MAP4K1: variants seen among roughly 807,000 people sequenced by gnomAD.
MAP4K1 encodes MAPK/ERK kinase kinase kinase 1.
Under a neutral mutation model 122.8 loss-of-function variants are expected in MAP4K1, and 35 were observed. The observed-to-expected ratio is 0.29, with a 90% confidence interval of 0.22 to 0.38. The LOEUF (loss-of-function observed/expected upper bound fraction) is 0.38. Among genes scored for constraint, MAP4K1 ranks in the 10% least tolerant of loss-of-function variants. The pLI, the probability that MAP4K1 is intolerant of heterozygous loss-of-function variation, is 1.00. For synonymous variants in MAP4K1, 412 were observed against 421.3 expected (o/e 0.98, Z 0.27); for missense variants, 791 against 1,072.6 (o/e 0.74, Z 3.67).
rs761351120 is a variant in MAP4K1, at chr19:38,617,947, C to T, written c.-52G>A. 2 of 1,510,640 alleles carry T rather than the reference C, an allele frequency of 1.3e-6. No individual in the cohort carries two copies. Among genetic ancestry groups the T allele is most frequent in the Non-Finnish European group, 1.8e-6 (2 of 1,087,336 alleles). The allele number at this position is 1,510,640 out of a possible 1,614,324, so 93.6% of individuals were successfully genotyped here. Reference sequence around the variant, plus strand: ...CCCAGGGGCCAGCAGGGCCTCAGGGCTCAACTTCTGGCACCTCCCTCCGTC... The same window carrying T: ...CCCAGGGGCCAGCAGGGCCTCAGGGTTCAACTTCTGGCACCTCCCTCCGTC... On this transcript the variant is annotated 5_prime_UTR_variant, in exon 1 of 31. Coordinates refer to ENST00000396857, the MANE Select transcript of MAP4K1 (RefSeq NM_001042600.3). The surrounding 1 kb of genome is among the most constrained non-coding windows in gnomAD (Gnocchi z 4.1).
At chr19:38,602,764 A>G (rs1278407198) in intron 19 of MAP4K1, among the ~76,000 whole-genome samples, 6 of 145,272 alleles carry the variant, frequency 4.1e-5, no homozygotes, top group African/African-American at 1.6e-4. Context: ...ATATATACGC[A>G]TATACATATA....
chr19:38,587,908 GC>G (rs1974573019), intron 30 of MAP4K1, 91 bp from the exon 31 acceptor site: 9 of 991,302 alleles, frequency 9.1e-6, no homozygotes, highest in African/African-American at 3.2e-5. Flanking sequence ...GACTGTGCCA[GC>G]CCCATGCTGA....
intron 30 of MAP4K1, among the ~76,000 whole-genome samples, chr19:38,592,018 T>C (rs1471105495): frequency 6.7e-6 from 1 of 150,122 alleles, no homozygotes; most frequent in Non-Finnish European, 1.5e-5. Flanking sequence ...ATGCCAGTAA[T>C]CCTAACATTT....
chr19:38,602,993 T>TAC (rs1491533297), intron 19 of MAP4K1, among the ~76,000 whole-genome samples: 1 of 139,774 alleles, frequency 7.2e-6, no homozygotes. Flanking sequence ...TATACATATA[T>TAC]ACATATACAT....
At chr19:38,601,133 G>C (rs1347402090) in intron 20 of MAP4K1, among the ~76,000 whole-genome samples, 1 of 151,508 alleles carries the variant, frequency 6.6e-6, no homozygotes, top group East Asian at 1.9e-4. Context: ...ATTTTTAGTA[G>C]AGACGGGGTT....
chr19:38,590,391 AAAAATATATAT>A (rs1388488195), intron 30 of MAP4K1, among the ~76,000 whole-genome samples: 1 of 37,946 alleles, frequency 2.6e-5, no homozygotes, highest in Non-Finnish European at 4.6e-5. Flanking sequence ...AAAAAAAAAA[AAAAATATATAT>A]ATATATATAT....
rs1555811720 is a variant in MAP4K1 at position 38,608,828 on chromosome 19, A to AAAAAAAAAAAAAC, written c.1007-659_1007-658insGTTTTTTTTTTTT. 3.2e-3 allele frequency among the ~76,000 whole-genome samples: 435 copies of AAAAAAAAAAAAAC among 137,206 alleles called. 26 individuals are homozygous for AAAAAAAAAAAAAC. Among genetic ancestry groups the AAAAAAAAAAAAAC allele is most frequent in the East Asian group, 6.6e-3 (29 of 4,424 alleles). 90.0% of individuals were successfully genotyped at this position (137,206 alleles called of 152,430 possible). ...AAAAAAAAAAAAAAAAAAAAAAAAA[A>AAAAAAAAAAAAAC]ACATTAGCCACGCGTGGTGAATAAG... On this transcript the variant is annotated intron_variant, in intron 13 of 30. Coordinates refer to ENST00000396857, the MANE Select transcript of MAP4K1 (RefSeq NM_001042600.3).
At position 38,617,366 on chromosome 19, in the gene MAP4K1, C is replaced by T. The variant is rs759638326; in HGVS notation, c.236G>A (p.Gly79Glu). 5.0e-6 allele frequency: 8 copies of T among 1,613,326 alleles called. No homozygotes were observed. In the Admixed American group the frequency reaches 6.7e-5, roughly 13 times the overall value. ...TGAGGTTCATCACCAGAGATAACTC[C>T]CATGGTAGGCCACGATGTTGGCGTG... ...CRHANIVAYH[G>E]SYLWLQKLWI... is the part of the protein sequence containing the mutation. The change falls in exon 3 of 31, where the codon GGG becomes GAG. Residue 79 changes from glycine (G) to glutamate (E), a missense_variant. Gly to Glu is a moderately conservative substitution (Grantham distance 98). Transcript: ENST00000396857. The surrounding 1 kb of genome is among the most constrained non-coding windows in gnomAD (Gnocchi z 4.1).
At chr19:38,612,319 C>T (rs944853567) in intron 9 of MAP4K1, among the ~76,000 whole-genome samples, 4 of 148,674 alleles carry the variant, frequency 2.7e-5, no homozygotes, top group Non-Finnish European at 4.5e-5. Context: ...ACTCGGGAGG[C>T]TGAGGCAGGA....
chr19:38,590,930 C>T (rs1386796220), intron 30 of MAP4K1, among the ~76,000 whole-genome samples: 1 of 151,794 alleles, frequency 6.6e-6, no homozygotes, highest in East Asian at 1.9e-4. Context: ...ATGGGCATCA[C>T]GTCTGCAATT....
chr19:38,596,195 C>T lies in MAP4K1; in HGVS notation c.2116+117G>A, dbSNP rs1194449472. The T allele has an allele frequency of 7.2e-6, 10 of 1,396,146 alleles. No individual in the cohort carries two copies. The East Asian group carries it at 1.0e-4, about 14-fold the overall frequency. 86.5% of individuals were successfully genotyped at this position (1,396,146 alleles called of 1,614,324 possible). A position where few individuals can be genotyped will look rare whatever the true frequency, so the allele number is the denominator to read the frequency against. ...CTAAAACCTGCCATTCTCCCTTCTC[C>T]GCCCTTCCAGCCCTTTCTCAGTCCC... is the stretch of plus-strand genomic sequence containing the variant. On this transcript the variant is annotated intron_variant, in intron 26 of 30. Transcript: ENST00000396857.
rs199546431 is a variant in MAP4K1 at position 38,588,458 on chromosome 19, A to AG, written c.2397-642dup. 8.5e-3 allele frequency among the ~76,000 whole-genome samples: 1,293 copies of AG among 152,174 alleles called. 20 individuals are homozygous for AG. Among genetic ancestry groups the AG allele is most frequent in the African/African-American group, 0.03 (1,228 of 41,522 alleles). ...GTAATCCCAGCACTTTGGGAGGCCA[A>AG]GGGGGGCAGATCACTTGAGGTCAGG... On this transcript the variant is annotated intron_variant, in intron 30 of 30. Transcript: ENST00000396857.
chr19:38,605,869 C>A, intron 17 of MAP4K1, 139 bp from the exon 18 acceptor site: 2 of 793,886 alleles, frequency 2.5e-6, no homozygotes, highest in Non-Finnish European at 2.0e-6. Context: ...TCTTGTGCCC[C>A]CTCCAGCCTT....
intron 26 of MAP4K1, 22 bp downstream of exon 26, chr19:38,596,290 A>G: frequency 6.5e-7 from 1 of 1,532,916 alleles, no homozygotes; most frequent in Non-Finnish European, 8.8e-7. Flanking sequence ...CCCCGCCCTC[A>G]GCAAGACTCC....
rs187306247 is a variant in MAP4K1 at position 38,595,873 on chromosome 19, G to A, written c.2179+66C>T. Reference sequence around the variant, plus strand: ...AGGGGGTTCTGAGAAGCACAAGTTCGGAGGCAGAGATCTAGGGACTGCAGC... The same window carrying A: ...AGGGGGTTCTGAGAAGCACAAGTTCAGAGGCAGAGATCTAGGGACTGCAGC... On this transcript the variant is annotated intron_variant, in intron 27 of 30. Coordinates refer to ENST00000396857, the MANE Select transcript of MAP4K1 (RefSeq NM_001042600.3). The A allele has an allele frequency of 1.4e-3, 2,228 of 1,577,876 alleles. 8 individuals are homozygous for A. The highest frequency in any genetic ancestry group is 8.7e-3 in the East Asian group (389 of 44,662).
At chr19:38,610,201 A>G (rs1975454545) in intron 11 of MAP4K1, among the ~76,000 whole-genome samples, 176 bp from the exon 12 acceptor site, 3 of 151,560 alleles carry the variant, frequency 2.0e-5, no homozygotes, top group Admixed American at 1.3e-4. Context: ...GGCCTGGGGT[A>G]TTCTTTTTTG....
intron 25 of MAP4K1, 121 bp downstream of exon 25, chr19:38,596,913 G>A: frequency 1.1e-6 from 1 of 917,598 alleles, no homozygotes; most frequent in Non-Finnish European, 1.7e-6. Flanking sequence ...GGGGCCTCGG[G>A]AGATTGGGGC....
intron 30 of MAP4K1, among the ~76,000 whole-genome samples, chr19:38,592,878 T>C (rs770960460): frequency 1.3e-5 from 2 of 150,234 alleles, no homozygotes; most frequent in Non-Finnish European, 3.0e-5. Context: ...GATCACACCA[T>C]TGCACTCCAG....
chr19:38,598,645 C>T (rs2144707001), intron 22 of MAP4K1, among the ~76,000 whole-genome samples: 1 of 152,268 alleles, frequency 6.6e-6, no homozygotes. Context: ...ATTTTGAAAT[C>T]TATAACTTGC....
Sources: gnomAD v4.1 joint callset for allele counts (sites outside exome capture counted in the v4.1 genomes callset) on GRCh38, gnomAD v4.1.1 for gene constraint, Gnocchi (gnomAD v3.1) non-coding constraint, MANE v1.5 for transcripts, NCBI Gene and HGNC (gene_info 2026-07-23, HGNC 2026-07-21) for gene names.